Variants in ATP8A1 observed in about 807,000 individuals in gnomAD.
ATP8A1 encodes phospholipid-transporting ATPase IA.
In ATP8A1, 90 loss-of-function variants were observed where a neutral mutation model predicts 177.7. That is an observed-to-expected ratio of 0.51 (90% CI 0.43 to 0.60). The LOEUF (loss-of-function observed/expected upper bound fraction) is 0.60, where lower values mean the gene tolerates loss of function less well. ATP8A1 is among the 20% of genes least tolerant of loss of function. The probability of loss-of-function intolerance (pLI) is 0.00; values close to 1 mark genes in which losing one functional copy is unlikely to be tolerated. For synonymous variants in ATP8A1, 493 were observed against 485.9 expected (o/e 1.01, Z -0.19); for missense variants, 1,072 against 1,392.8 (o/e 0.77, Z 3.67).
intron 1 of ATP8A1, among the ~76,000 whole-genome samples, chr4:42,652,300 C>T (rs2109588086): frequency 6.6e-6 from 1 of 152,250 alleles, no homozygotes; most frequent in East Asian, 1.9e-4. Context: ...TTGGGAGGCT[C>T]ATTAAGAATG....
intron 1 of ATP8A1, among the ~76,000 whole-genome samples, chr4:42,641,818 A>T (rs1040833963): frequency 9.9e-5 from 15 of 152,220 alleles, no homozygotes; most frequent in Non-Finnish European, 1.6e-4. Flanking sequence ...AAACAGGTAG[A>T]TATATGATTA....
At chr4:42,464,528 G>A (rs1022290729) in intron 27 of ATP8A1, among the ~76,000 whole-genome samples, 162 bp downstream of exon 27, 9 of 152,186 alleles carry the variant, frequency 5.9e-5, no homozygotes, top group Admixed American at 1.3e-4. Context: ...GCCTCCCAGA[G>A]TGCTGGGATT....
intron 31 of ATP8A1, among the ~76,000 whole-genome samples, chr4:42,446,258 C>A (rs1285804469): frequency 6.6e-6 from 1 of 152,002 alleles, no homozygotes; most frequent in South Asian, 2.1e-4. Flanking sequence ...AGCCACCAGC[C>A]CCTGCAAACA....
chr4:42,583,254 T>C (rs1161747070), intron 9 of ATP8A1, among the ~76,000 whole-genome samples: 3 of 152,216 alleles, frequency 2.0e-5, no homozygotes, highest in Non-Finnish European at 2.9e-5. Flanking sequence ...AAATACTGTA[T>C]TCCAATTTAG....
At chr4:42,564,659 T>C (rs1321361813) in intron 15 of ATP8A1, among the ~76,000 whole-genome samples, 3 of 152,224 alleles carry the variant, frequency 2.0e-5, no homozygotes, top group African/African-American at 2.4e-5. Context: ...AGTAAGTAAC[T>C]TGCTTTTGAT....
rs1281635138 is a variant in ATP8A1 at position 42,582,573 on chromosome 4, A to ATTTTT, written c.723-842_723-841insAAAAA. ...TAATAAAGGTGCAAAAAAATTCCTA[A>ATTTTT]GATAAATACACAGATCTCACCACTT... On this transcript the variant is annotated intron_variant, in intron 9 of 36. Transcript: ENST00000381668. Among the ~76,000 whole-genome samples, 5 of 149,466 alleles carry ATTTTT rather than the reference A, an allele frequency of 3.3e-5. No homozygotes were observed. In the East Asian group the frequency reaches 1.0e-3, roughly 30 times the overall value.
At position 42,446,591 on chromosome 4, in the gene ATP8A1, C is replaced by T. The variant is rs1717279921; in HGVS notation, c.2950G>A (p.Val984Met). 2 of 1,613,800 alleles carry T rather than the reference C, an allele frequency of 1.2e-6. No homozygotes were observed. Among genetic ancestry groups the T allele is most frequent in the African/African-American group, 1.3e-5 (1 of 74,884 alleles). Residue 984 changes from valine to methionine, a missense_variant, in exon 31 of 37, where the codon GTG (valine) becomes ATG (methionine). Coordinates refer to ENST00000381668, the MANE Select transcript of ATP8A1 (RefSeq NM_006095.2). The part of the protein sequence containing the change: ...TSDYLLLGNF[V>M]YTFVVITVCL... ...CGACATCCCGCACTCACAGTGTACA[C>T]AAAGTTTCCCAGTAGCAGATAATCC...
rs533580013 is a variant in ATP8A1 at position 42,547,758 on chromosome 4, TGC to T, written c.1652+1253_1652+1254del. ...GCTTTAAATAATAAGTCAGACAGACTGCATTATTTTTGTTATTAACCACTGGC... is the reference window on the plus strand; with the variant it reads ...GCTTTAAATAATAAGTCAGACAGACTATTATTTTTGTTATTAACCACTGGC... On this transcript the variant is annotated intron_variant, in intron 19 of 36. Transcript: ENST00000381668. Among the ~76,000 whole-genome samples, 1,043 of 152,332 alleles carry T rather than the reference TGC, an allele frequency of 6.8e-3. 4 individuals are homozygous for T. The highest frequency in any genetic ancestry group is 0.012 in the Admixed American group (180 of 15,308).
intron 1 of ATP8A1, among the ~76,000 whole-genome samples, chr4:42,630,692 G>A (rs114343790): frequency 0.011 from 1,608 of 152,256 alleles, 26 homozygotes; most frequent in African/African-American, 0.036. Context: ...TCAACAGACT[G>A]CTTCTGAGAT....
At chr4:42,623,239 T>G (rs775236631) in intron 4 of ATP8A1, among the ~76,000 whole-genome samples, 90 of 152,184 alleles carry the variant, frequency 5.9e-4, no homozygotes, top group Non-Finnish European at 1.1e-3. Context: ...ATTTATACAC[T>G]GTTGGTGGGA....
At chr4:42,418,950 C>T (rs1000307170) in intron 35 of ATP8A1, among the ~76,000 whole-genome samples, 1 of 152,124 alleles carries the variant, frequency 6.6e-6, no homozygotes, top group Non-Finnish European at 1.5e-5. Context: ...ATTTTATACA[C>T]AACTTGAGTT....
chr4:42,580,211 GAA>G (rs1732890558), intron 10 of ATP8A1, among the ~76,000 whole-genome samples: 1 of 152,192 alleles, frequency 6.6e-6, no homozygotes, highest in Non-Finnish European at 1.5e-5. Context: ...CTATAAGAAA[GAA>G]GAGAACGAAA....
chr4:42,505,361 T>A lies in ATP8A1; in HGVS notation c.2086+1655A>T, dbSNP rs572878786. ...TACTCTTTTTTCATAGGAACATTCA[T>A]AATGGTGAACATATCCTGAACTTGA... On this transcript the variant is annotated intron_variant, in intron 23 of 36. Transcript: ENST00000381668. Among the ~76,000 whole-genome samples, 6 of 152,352 alleles carry A rather than the reference T, an allele frequency of 3.9e-5. No individual in the cohort carries two copies. In the South Asian group the frequency reaches 8.3e-4, roughly 21 times the overall value.
chr4:42,615,918 A>G (rs10003317), intron 5 of ATP8A1, 115 bp downstream of exon 5: 257,220 of 993,182 alleles, frequency 0.26, 35,613 homozygotes, highest in Non-Finnish European at 0.28. Flanking sequence ...AATCTACCCC[A>G]AAACAAAAAC....
intron 4 of ATP8A1, among the ~76,000 whole-genome samples, chr4:42,622,346 C>A (rs1737558986): frequency 6.6e-6 from 1 of 151,994 alleles, no homozygotes; most frequent in African/African-American, 2.4e-5. Context: ...TGCGCCACTG[C>A]ACTCCAGCCT....
chr4:42,477,610 G>A (rs1721213093), intron 25 of ATP8A1, among the ~76,000 whole-genome samples: 1 of 152,144 alleles, frequency 6.6e-6, no homozygotes, highest in South Asian at 2.1e-4. Context: ...AACCTCTGTG[G>A]TATCCCTATG....
chr4:42,503,784 A>G (rs985017558), intron 23 of ATP8A1, among the ~76,000 whole-genome samples: 5 of 152,184 alleles, frequency 3.3e-5, no homozygotes, highest in Non-Finnish European at 5.9e-5. Context: ...GAAGCTGACA[A>G]ATGGATTTGT....
intron 19 of ATP8A1, among the ~76,000 whole-genome samples, chr4:42,544,937 G>A (rs544425411): frequency 1.8e-4 from 27 of 151,972 alleles, no homozygotes; most frequent in Non-Finnish European, 3.2e-4. Flanking sequence ...CGAGGCGGGC[G>A]GATCACAAGG....
chr4:42,629,314 G>A (rs571452107), intron 1 of ATP8A1, among the ~76,000 whole-genome samples: 27 of 152,350 alleles, frequency 1.8e-4, no homozygotes, highest in Non-Finnish European at 2.8e-4. Flanking sequence ...GACCATCGAA[G>A]AGACTGGATG....
Sources: gnomAD v4.1 joint callset for allele counts (sites outside exome capture counted in the v4.1 genomes callset) on GRCh38, gnomAD v4.1.1 for gene constraint, MANE v1.5 for transcripts, NCBI Gene and HGNC (gene_info 2026-07-23, HGNC 2026-07-21) for gene names.